Variants in LRP1B observed in about 807,000 individuals in gnomAD.
LRP1B encodes the protein low-density lipoprotein receptor-related protein 1B.
Under a neutral mutation model 556.6 loss-of-function variants are expected in LRP1B, and 217 were observed. The ratio of observed to expected loss-of-function variants is 0.39; its 90% confidence interval spans 0.35 to 0.44. The LOEUF (loss-of-function observed/expected upper bound fraction) is 0.44, where lower values mean the gene tolerates loss of function less well. Ranked by LOEUF, LRP1B falls within the 20% of genes least tolerant of loss-of-function variation. The pLI is 1.00. For synonymous variants in LRP1B, 2,047 were observed against 1,865.8 expected, an observed-to-expected ratio of 1.10 and a Z score of -2.50; for missense variants, 5,053 against 5,620.8, an observed-to-expected ratio of 0.90 and a Z score of 3.23.
At chr2:140,627,537 G>A (rs1439781656) in intron 41 of LRP1B, among the ~76,000 whole-genome samples, 1 of 152,176 alleles carries the variant, frequency 6.6e-6, no homozygotes, top group Non-Finnish European at 1.5e-5. Context: ...AGACTGCACT[G>A]TCAGCTTCCC....
chr2:141,257,870 C>T (rs1684536899), intron 3 of LRP1B, among the ~76,000 whole-genome samples: 1 of 152,058 alleles, frequency 6.6e-6, no homozygotes, highest in Admixed American at 6.6e-5. Flanking sequence ...ATTTGAACTG[C>T]TTAGCATTTA....
chr2:141,016,374 T>C (rs895284382), intron 12 of LRP1B, among the ~76,000 whole-genome samples: 2 of 152,146 alleles, frequency 1.3e-5, no homozygotes, highest in Non-Finnish European at 2.9e-5. Context: ...TTATTTAATC[T>C]CAGATGAATT....
chr2:140,767,488 A>G (rs771216583), intron 35 of LRP1B, among the ~76,000 whole-genome samples: 4 of 152,016 alleles, frequency 2.6e-5, no homozygotes, highest in Non-Finnish European at 5.9e-5. Context: ...CCATCATGGT[A>G]CATGATATTA....
intron 41 of LRP1B, among the ~76,000 whole-genome samples, chr2:140,624,983 G>C (rs1227313376): frequency 6.6e-6 from 1 of 152,138 alleles, no homozygotes; most frequent in Non-Finnish European, 1.5e-5. Flanking sequence ...CACAGAACAA[G>C]GAGGCCAGGA....
At position 140,484,072 on chromosome 2, in the gene LRP1B, C is replaced by T. The variant is rs1455471905; in HGVS notation, c.9425+1271G>A. On this transcript the variant is annotated intron_variant, in intron 59 of 90. Transcript: ENST00000389484. ...TTCTTAAAACATACATATAAAGAGA[C>T]TTTCTAGTGATTCCGTTTAAATTAA... 3.9e-5 allele frequency among the ~76,000 whole-genome samples: 6 copies of T among 152,206 alleles called. No individual in the cohort carries two copies. The East Asian group carries it at 9.7e-4, about 24-fold the overall frequency.
At chr2:141,009,658 C>A (rs747531872) in intron 14 of LRP1B, among the ~76,000 whole-genome samples, 2 of 151,850 alleles carry the variant, frequency 1.3e-5, no homozygotes, top group Non-Finnish European at 2.9e-5. Context: ...TAAATAAAAA[C>A]TGCTATGTCT....
At chr2:141,216,873 C>T (rs1323367626) in intron 6 of LRP1B, among the ~76,000 whole-genome samples, 2 of 152,092 alleles carry the variant, frequency 1.3e-5, no homozygotes, top group African/African-American at 2.4e-5. Context: ...CATATACCTC[C>T]ATTGTATCTT....
At chr2:140,540,323 T>C (rs1384112472) in intron 45 of LRP1B, among the ~76,000 whole-genome samples, 2 of 152,126 alleles carry the variant, frequency 1.3e-5, no homozygotes. Flanking sequence ...AAATTAACCT[T>C]TTTTAAATTT....
intron 2 of LRP1B, among the ~76,000 whole-genome samples, chr2:141,551,181 C>CCTT (rs1256531482): frequency 4.0e-5 from 6 of 151,642 alleles, no homozygotes; most frequent in Admixed American, 6.6e-5. Context: ...TGTAGTTGGA[C>CCTT]ACTGTAGCTA....
chr2:141,915,035 T>C (rs1364142473), intron 1 of LRP1B, among the ~76,000 whole-genome samples: 5 of 152,048 alleles, frequency 3.3e-5, no homozygotes, highest in African/African-American at 4.8e-5. Flanking sequence ...AGAGACCAAA[T>C]AGCCAAAGCA....
rs1463972035 is a variant in LRP1B at position 141,177,862 on chromosome 2, G to A, written c.1013+10559C>T. ...AATTAGGACTTCTCAATTAAATAGA[G>A]TTAGCCTTCAGACAAAGGTATTTGT... On this transcript the variant is annotated intron_variant, in intron 7 of 90. Coordinates refer to ENST00000389484, the MANE Select transcript of LRP1B (RefSeq NM_018557.3). 2.6e-5 allele frequency among the ~76,000 whole-genome samples: 4 copies of A among 152,088 alleles called. No individual in the cohort carries two copies. In the East Asian group the frequency reaches 7.7e-4, roughly 29 times the overall value.
chr2:141,789,302 A>G (rs1330614721), intron 2 of LRP1B, among the ~76,000 whole-genome samples: 1 of 152,060 alleles, frequency 6.6e-6, no homozygotes, highest in Admixed American at 6.6e-5. Context: ...ACATTTTAGT[A>G]TCACTCTTAG....
intron 32 of LRP1B, among the ~76,000 whole-genome samples, chr2:140,800,962 T>C (rs1487414137): frequency 1.3e-5 from 2 of 152,212 alleles, no homozygotes; most frequent in Non-Finnish European, 2.9e-5. Context: ...AATATATTTA[T>C]GGCCATGGTC....
At chr2:140,393,556 C>T (rs1684120349) in intron 66 of LRP1B, among the ~76,000 whole-genome samples, 1 of 151,948 alleles carries the variant, frequency 6.6e-6, no homozygotes, top group African/African-American at 2.4e-5. Flanking sequence ...TTTTGTCCTT[C>T]TTGCTACTAT....
chr2:142,125,504 C>G (rs1338075925), intron 1 of LRP1B, among the ~76,000 whole-genome samples: 1 of 151,764 alleles, frequency 6.6e-6, no homozygotes, highest in Non-Finnish European at 1.5e-5. Flanking sequence ...CAAAAACCAA[C>G]TTTTAAAAAC....
At chr2:140,918,749 CGA>C (rs1559194139) in intron 21 of LRP1B, among the ~76,000 whole-genome samples, 1 of 151,994 alleles carries the variant, frequency 6.6e-6, no homozygotes, top group Non-Finnish European at 1.5e-5. Context: ...TAATCAGTTA[CGA>C]GAGTAGAGTT....
intron 79 of LRP1B, among the ~76,000 whole-genome samples, chr2:140,333,970 A>G (rs1680944103): frequency 6.6e-6 from 1 of 150,850 alleles, no homozygotes; most frequent in African/African-American, 2.4e-5. Flanking sequence ...TTAAAGCCAT[A>G]TTGAAAAGAG....
intron 7 of LRP1B, among the ~76,000 whole-genome samples, chr2:141,063,883 T>C (rs1019095656): frequency 6.6e-6 from 1 of 151,886 alleles, no homozygotes; most frequent in Non-Finnish European, 1.5e-5. Context: ...ACTTTGGCCA[T>C]GGAGAAATGA....
At chr2:140,695,965 T>C (rs373223788) in intron 41 of LRP1B, among the ~76,000 whole-genome samples, 4 of 152,330 alleles carry the variant, frequency 2.6e-5, no homozygotes, top group Middle Eastern at 3.4e-3. Flanking sequence ...CATCCATTTC[T>C]TATATTCAGC....
Sources: allele counts gnomAD v4.1 joint callset (sites outside exome capture counted in the v4.1 genomes callset), GRCh38; gene constraint gnomAD v4.1.1; transcripts MANE v1.5; gene names NCBI Gene and HGNC (gene_info 2026-07-23, HGNC 2026-07-21).